The following ZNF438 variants were observed in gnomAD, a reference collection of about 807,000 sequenced individuals.
ZNF438 encodes the protein zinc finger protein 438.
In ZNF438, 25 loss-of-function variants were observed where a neutral mutation model predicts 38.0. That is an observed-to-expected ratio of 0.66 (90% CI 0.48 to 0.92). ZNF438 has a LOEUF of 0.92. Ranked by LOEUF, ZNF438 falls within the 40% of genes least tolerant of loss-of-function variation. ZNF438 has a pLI of 0.00. For missense variants in ZNF438, 1,007 were observed against 999.6 expected, an observed-to-expected ratio of 1.01 and a Z score of -0.10; for synonymous variants, 372 against 364.1, an observed-to-expected ratio of 1.02 and a Z score of -0.25.
intron 2 of ZNF438, among the ~76,000 whole-genome samples, chr10:30,937,261 T>C (rs983673621): frequency 5.9e-5 from 9 of 152,208 alleles, no homozygotes; most frequent in African/African-American, 2.2e-4. Flanking sequence ...TCAGGAGGCA[T>C]GCTTGGGTCT....
At chr10:30,933,691 AACT>A (rs1288473933) in intron 2 of ZNF438, among the ~76,000 whole-genome samples, 2 of 152,104 alleles carry the variant, frequency 1.3e-5, no homozygotes, top group Non-Finnish European at 2.9e-5. Context: ...TTATAAACCA[AACT>A]TGTCAAGAGG....
chr10:30,974,664 A>G (rs1173509042), intron 1 of ZNF438, among the ~76,000 whole-genome samples: 3 of 152,236 alleles, frequency 2.0e-5, no homozygotes, highest in Admixed American at 6.5e-5. Flanking sequence ...TGTTCAAAGC[A>G]GTAAGATAAA....
chr10:30,935,049 T>A (rs1027371711), intron 2 of ZNF438, among the ~76,000 whole-genome samples: 2 of 152,238 alleles, frequency 1.3e-5, no homozygotes, highest in Non-Finnish European at 2.9e-5. Context: ...TTTGCTTGAA[T>A]TAAACATCTC....
intron 1 of ZNF438, among the ~76,000 whole-genome samples, chr10:30,988,904 T>C (rs1290753618): frequency 6.6e-6 from 1 of 152,182 alleles, no homozygotes; most frequent in East Asian, 1.9e-4. Context: ...ATCTAGATGT[T>C]GTGTGAAGGT....
At chr10:30,848,506 A>C in intron 5 of ZNF438, 25 bp downstream of exon 6, 1 of 1,583,824 alleles carries the variant, frequency 6.3e-7, no homozygotes. Context: ...CTCTCTTGCC[A>C]GGTCTCCATT....
chr10:30,918,476 T>C (rs2043908066), intron 2 of ZNF438, among the ~76,000 whole-genome samples: 1 of 152,188 alleles, frequency 6.6e-6, no homozygotes. Flanking sequence ...ATGTCTTTTG[T>C]TGAATTTATT....
At chr10:30,928,502 G>T (rs2045231581) in intron 2 of ZNF438, among the ~76,000 whole-genome samples, 1 of 150,412 alleles carries the variant, frequency 6.6e-6, no homozygotes, top group Admixed American at 6.6e-5. Flanking sequence ...AAATATAAGG[G>T]CCAAACATTC....
At chr10:30,867,799 T>C (rs189793507) in intron 4 of ZNF438, among the ~76,000 whole-genome samples, 130 of 152,300 alleles carry the variant, frequency 8.5e-4, no homozygotes, top group African/African-American at 3.0e-3. Context: ...AGAGTTTTGA[T>C]AATAAAGTAT....
At chr10:30,998,947 ACTGCAT>A (rs1478160110) in intron 1 of ZNF438, among the ~76,000 whole-genome samples, 1 of 152,222 alleles carries the variant, frequency 6.6e-6, no homozygotes, top group Non-Finnish European at 1.5e-5. Context: ...CAACATTTCA[ACTGCAT>A]CTGTGCAATG....
intron 1 of ZNF438, among the ~76,000 whole-genome samples, chr10:31,025,781 G>T (rs779030735): frequency 2.0e-4 from 31 of 151,994 alleles, no homozygotes; most frequent in Non-Finnish European, 4.4e-5. Context: ...CAAACCTAAA[G>T]ATTTTAATTT....
chr10:30,850,879 C>T (rs1255236564), intron 4 of ZNF438, among the ~76,000 whole-genome samples: 3 of 152,154 alleles, frequency 2.0e-5, no homozygotes, highest in Non-Finnish European at 2.9e-5. Context: ...ATAAAACAAG[C>T]GCTTCTTGTA....
At chr10:30,962,360 A>C (rs2049591715) in intron 1 of ZNF438, among the ~76,000 whole-genome samples, 1 of 147,486 alleles carries the variant, frequency 6.8e-6, no homozygotes, top group Admixed American at 6.8e-5. Context: ...AAAAGACATA[A>C]GCAACACATC....
At chr10:30,930,999 G>A (rs540080685) in intron 2 of ZNF438, among the ~76,000 whole-genome samples, 1 of 152,072 alleles carries the variant, frequency 6.6e-6, no homozygotes, top group Non-Finnish European at 1.5e-5. Flanking sequence ...CCCTCACGGG[G>A]CTTGCAGTCA....
Position 30,862,903 on chromosome 10 carries a change from T to A in ZNF438, c.38-12536A>T, listed in dbSNP as rs533954505. On this transcript the variant is annotated intron_variant, in intron 4 of 5. Coordinates refer to ENST00000413025, the Ensembl canonical transcript of ZNF438. ...TTTATACTATAATTTCAAAAGTAAG[T>A]TCACTTTATCTAAAAGAGGTATTTT... 7.5e-4 allele frequency among the ~76,000 whole-genome samples: 114 copies of A among 152,318 alleles called. 1 individual carries two copies. The highest frequency in any genetic ancestry group is 2.7e-3 in the African/African-American group (111 of 41,578).
chr10:30,993,155 C>T (rs895885165), intron 1 of ZNF438, among the ~76,000 whole-genome samples: 2 of 152,142 alleles, frequency 1.3e-5, no homozygotes, highest in African/African-American at 4.8e-5. Flanking sequence ...GCCTAGCAAC[C>T]ATTTGCTAAA....
rs536766424 is a variant in ZNF438 at position 30,927,168 on chromosome 10, T to A, written c.-115+14407A>T. On this transcript the variant is annotated intron_variant, in intron 2 of 5. Coordinates refer to ENST00000413025, the Ensembl canonical transcript of ZNF438. ...AGCCTGATCCACACAGTCACTCCAA[T>A]GCTAGCACATGTTACTAACTACAAG... Among the ~76,000 whole-genome samples, 7 of 152,310 alleles carry A rather than the reference T, an allele frequency of 4.6e-5. No individual in the cohort carries two copies. In the South Asian group the frequency reaches 1.5e-3, roughly 32 times the overall value.
At chr10:30,987,143 A>G (rs761867810) in intron 1 of ZNF438, among the ~76,000 whole-genome samples, 1 of 152,022 alleles carries the variant, frequency 6.6e-6, no homozygotes, top group Non-Finnish European at 1.5e-5. Flanking sequence ...ACGTTTATAC[A>G]CACACACAGG....
chr10:30,976,806 G>A (rs2051412727), intron 1 of ZNF438, among the ~76,000 whole-genome samples: 1 of 150,364 alleles, frequency 6.7e-6, no homozygotes, highest in Non-Finnish European at 1.5e-5. Flanking sequence ...GATGCTGACA[G>A]TAAATAACAC....
chr10:30,898,921 T>C (rs1226326944), intron 3 of ZNF438, among the ~76,000 whole-genome samples: 1 of 152,162 alleles, frequency 6.6e-6, no homozygotes, highest in Non-Finnish European at 1.5e-5. Context: ...TCAAAATAAT[T>C]TCAACTTAGT....
Sources: gnomAD v4.1 joint callset for allele counts (sites outside exome capture counted in the v4.1 genomes callset) on GRCh38, gnomAD v4.1.1 for gene constraint, MANE v1.5 for transcripts, NCBI Gene and HGNC (gene_info 2026-07-23, HGNC 2026-07-21) for gene names.